The following TRHDE variants were observed in gnomAD, a reference collection of about 807,000 sequenced individuals.
TRHDE encodes the protein thyrotropin releasing hormone degrading enzyme, also known as thyrotropin-releasing hormone-degrading ectoenzyme.
A neutral mutation model predicts 125.7 loss-of-function variants in TRHDE; 72 were observed. The ratio of observed to expected loss-of-function variants is 0.57; its 90% CI spans 0.47 to 0.70. The LOEUF (loss-of-function observed/expected upper bound fraction) is 0.70, where lower values mean the gene tolerates loss of function less well. Ranked by LOEUF, TRHDE falls within the 30% of genes least tolerant of loss-of-function variation. TRHDE has a pLI of 0.00. For synonymous variants in TRHDE, 509 were observed against 509.1 expected (o/e 1.00, Z 0.00); for missense variants, 1,110 against 1,327.1 (o/e 0.84, Z 2.54).
chr12:72,217,405 T>C (rs1877914981), intron 2 of TRHDE, among the ~76,000 whole-genome samples: 1 of 152,198 alleles, frequency 6.6e-6, no homozygotes, highest in African/African-American at 2.4e-5. Context: ...GATGGTAGCC[T>C]TACTCAACAG....
intron 2 of TRHDE, among the ~76,000 whole-genome samples, chr12:72,296,334 C>T (rs191842914): frequency 9.2e-5 from 14 of 152,150 alleles, no homozygotes; most frequent in South Asian, 2.1e-4. Flanking sequence ...TAAGGACATC[C>T]GCAGGAAGAT....
intron 12 of TRHDE, among the ~76,000 whole-genome samples, chr12:72,598,894 CT>C (rs2136056768): frequency 6.6e-6 from 1 of 152,160 alleles, no homozygotes; most frequent in South Asian, 2.1e-4. Context: ...TCCCTTACCC[CT>C]CTAATAGTCC....
In TRHDE at chr12:72,630,603, G is replaced by C. The variant is rs1039359825; in HGVS notation, c.2675+8852G>C. On this transcript the variant is annotated intron_variant, in intron 15 of 18. Transcript: ENST00000261180. ...TTCAAGCCTTGATGTATAATCAGTA[G>C]TTTTGATTTTTTTCCTTTGTTTGAT... Among the ~76,000 whole-genome samples the C allele has an allele frequency of 3.3e-5, 5 of 151,630 alleles. No individual in the cohort carries two copies. The South Asian group carries it at 1.0e-3, about 31-fold the overall frequency.
chr12:72,547,880 A>G (rs997017329), intron 7 of TRHDE, among the ~76,000 whole-genome samples: 2 of 151,904 alleles, frequency 1.3e-5, no homozygotes, highest in Non-Finnish European at 2.9e-5. Context: ...CAGAAGCTCA[A>G]GTTACACTTT....
intron 15 of TRHDE, among the ~76,000 whole-genome samples, chr12:72,648,351 C>T (rs1163333579): frequency 6.6e-6 from 1 of 151,996 alleles, no homozygotes; most frequent in South Asian, 2.1e-4. Flanking sequence ...AATCAGAATA[C>T]CTCCTTTAAC....
rs1439887293 is a variant in TRHDE, at chr12:72,669,759, T to C, written c.*6564T>C. The C allele has an allele frequency of 2.0e-5, 3 of 151,898 alleles. No individual in the cohort carries two copies. 9.4% of individuals were successfully genotyped at this position (151,898 alleles called of 1,614,324 possible). On this transcript the variant is annotated 3_prime_UTR_variant, in exon 19 of 19. Transcript: ENST00000261180. ...TTTGAGTGAATTTTTCCTCAAATGT[T>C]GTATTCTACCTTTCAAAATATTGTG... is the stretch of plus-strand genomic sequence containing the variant.
chr12:72,544,532 C>G (rs1047123804), intron 7 of TRHDE, among the ~76,000 whole-genome samples: 2 of 151,280 alleles, frequency 1.3e-5, no homozygotes, highest in African/African-American at 2.4e-5. Flanking sequence ...TTTTTATTCT[C>G]CCCCCTTTTT....
intron 2 of TRHDE, among the ~76,000 whole-genome samples, chr12:72,317,465 G>A (rs1233746701): frequency 1.3e-5 from 2 of 152,194 alleles, no homozygotes; most frequent in East Asian, 3.9e-4. Flanking sequence ...CAAGATAAAG[G>A]CACTGGTAGG....
At chr12:72,363,064 A>C (rs558010144) in intron 2 of TRHDE, among the ~76,000 whole-genome samples, 2 of 152,110 alleles carry the variant, frequency 1.3e-5, no homozygotes, top group East Asian at 1.9e-4. Context: ...TTTTGGTTCC[A>C]TATGAACTTT....
intron 12 of TRHDE, among the ~76,000 whole-genome samples, chr12:72,605,439 G>C (rs1030225477): frequency 4.6e-5 from 7 of 152,002 alleles, no homozygotes; most frequent in Admixed American, 1.3e-4. Context: ...ATGAGGGAGA[G>C]CAAAGTACCA....
intron 2 of TRHDE, among the ~76,000 whole-genome samples, chr12:72,135,830 A>G (rs1399065626): frequency 6.6e-6 from 1 of 151,260 alleles, no homozygotes; most frequent in Admixed American, 6.6e-5. Flanking sequence ...ACTGGGACAG[A>G]TGTGCTGCCC....
intron 2 of TRHDE, among the ~76,000 whole-genome samples, chr12:72,169,072 T>G (rs17110901): frequency 0.017 from 2,617 of 152,252 alleles, 79 homozygotes; most frequent in African/African-American, 0.06. Context: ...GGGGATTCCT[T>G]GAAATAGGAG....
intron 7 of TRHDE, 96 bp from the exon 8 acceptor site, chr12:72,562,069 A>G: frequency 1.7e-6 from 1 of 575,644 alleles, no homozygotes; most frequent in Non-Finnish European, 3.1e-6. Context: ...TTATTAATAT[A>G]ATTCCAACAA....
At chr12:72,230,453 A>T (rs781308717) in intron 2 of TRHDE, among the ~76,000 whole-genome samples, 1 of 152,196 alleles carries the variant, frequency 6.6e-6, no homozygotes, top group Admixed American at 6.5e-5. Flanking sequence ...TAATGTATCA[A>T]TCACATCATA....
rs551147876 is a variant in TRHDE, at chr12:72,572,017, A to G, written c.2132-3238A>G. On this transcript the variant is annotated intron_variant, in intron 10 of 18. Coordinates refer to ENST00000261180, the MANE Select transcript of TRHDE (RefSeq NM_013381.3). ...CACACACACACACACACACACACACACGATTTATTGCTATGGTAGATTGCT... is the reference window on the plus strand; with the variant it reads ...CACACACACACACACACACACACACGCGATTTATTGCTATGGTAGATTGCT... 4.7e-5 allele frequency among the ~76,000 whole-genome samples: 7 copies of G among 149,516 alleles called. No individual in the cohort carries two copies. In the East Asian group the frequency reaches 1.4e-3, roughly 29 times the overall value.
At chr12:72,654,918 G>A (rs2136112001) in intron 17 of TRHDE, among the ~76,000 whole-genome samples, 1 of 152,194 alleles carries the variant, frequency 6.6e-6, no homozygotes, top group Non-Finnish European at 1.5e-5. Flanking sequence ...GAACCTTTCA[G>A]AAAAGCAAAT....
At chr12:72,561,168 A>T (rs1870157979) in intron 7 of TRHDE, among the ~76,000 whole-genome samples, 1 of 152,224 alleles carries the variant, frequency 6.6e-6, no homozygotes, top group Non-Finnish European at 1.5e-5. Flanking sequence ...TGAGTTGCCA[A>T]CAAAAGCTGA....
At chr12:72,365,438 A>G (rs1871301101) in intron 2 of TRHDE, among the ~76,000 whole-genome samples, 1 of 152,142 alleles carries the variant, frequency 6.6e-6, no homozygotes, top group Non-Finnish European at 1.5e-5. Context: ...ATTTCAAACA[A>G]TAACCTTTGG....
intron 2 of TRHDE, among the ~76,000 whole-genome samples, chr12:72,174,519 A>G (rs919945201): frequency 1.1e-4 from 16 of 152,114 alleles, no homozygotes; most frequent in Non-Finnish European, 2.9e-5. Context: ...TCCAATCCAG[A>G]TTTATGCTCT....
Sources: gnomAD v4.1 joint callset for allele counts (sites outside exome capture counted in the v4.1 genomes callset) on GRCh38, gnomAD v4.1.1 for gene constraint, MANE v1.5 for transcripts, NCBI Gene and HGNC (gene_info 2026-07-23, HGNC 2026-07-21) for gene names.